Variants in ELP2 observed in about 807,000 individuals in gnomAD.
The protein encoded by ELP2 is elongator complex protein 2.
Under a neutral mutation model 119.2 loss-of-function variants are expected in ELP2, and 90 were observed. That is an observed-to-expected ratio of 0.75 (90% confidence interval 0.64 to 0.90). The LOEUF is 0.90. Among genes scored for constraint, ELP2 ranks in the 40% least tolerant of loss-of-function variants. The pLI is 0.00. For synonymous variants in ELP2, 339 were observed against 331.0 expected (o/e 1.02, Z -0.26); for missense variants, 921 against 967.8 (o/e 0.95, Z 0.64).
chr18:36,164,649 A>G lies in ELP2; in HGVS notation c.1936A>G (p.Thr646Ala), dbSNP rs1034885436. Residue 646 changes from threonine (T) to alanine (A), a missense_variant, in exon 18 of 22, where the codon ACA (threonine) becomes GCA (alanine). Coordinates refer to ENST00000358232, the MANE Select transcript of ELP2 (RefSeq NM_018255.4). ...RTWSLWKKQD[T>A]ISPEFEPVFS... Reference sequence around the variant, plus strand: ...CTGGTCATTGTGGAAAAAGCAGGATACAATCTCACCTGAGTTCGGTAAAAC... The same window carrying G: ...CTGGTCATTGTGGAAAAAGCAGGATGCAATCTCACCTGAGTTCGGTAAAAC... The G allele has an allele frequency of 1.2e-6, 2 of 1,613,980 alleles. No homozygotes were observed. Among genetic ancestry groups the G allele is most frequent in the African/African-American group, 1.3e-5 (1 of 74,938 alleles).
At chr18:36,174,043 A>G (rs906056919) in intron 21 of ELP2, among the ~76,000 whole-genome samples, 1 of 152,174 alleles carries the variant, frequency 6.6e-6, no homozygotes, top group Non-Finnish European at 1.5e-5. Context: ...AGTAGTAAAA[A>G]TGCAATTCCA....
intron 18 of ELP2, among the ~76,000 whole-genome samples, chr18:36,166,154 C>T (rs2090887804): frequency 6.6e-6 from 1 of 151,192 alleles, no homozygotes; most frequent in African/African-American, 2.4e-5. Context: ...GATCCCACCA[C>T]GGCACTCCAG....
At chr18:36,139,298 A>G in intron 5 of ELP2, 1 of 903,946 alleles carries the variant, frequency 1.1e-6, no homozygotes, top group Non-Finnish European at 1.6e-6. Context: ...GCCCAAGACC[A>G]CTTAAAATCT....
chr18:36,159,135 C>G (rs1283782864), intron 14 of ELP2, among the ~76,000 whole-genome samples: 1 of 140,666 alleles, frequency 7.1e-6, no homozygotes, highest in Non-Finnish European at 1.5e-5. Context: ...TTTTTTGAGA[C>G]AGAGTCTTGC....
At chr18:36,143,023 T>C in intron 8 of ELP2, 57 bp downstream of exon 8, 1 of 1,213,604 alleles carries the variant, frequency 8.2e-7, no homozygotes, top group Non-Finnish European at 1.2e-6. Flanking sequence ...AGTTGGTTGA[T>C]TTTTTTTTCA....
intron 21 of ELP2, among the ~76,000 whole-genome samples, chr18:36,174,017 TTGTC>T (rs1258237014): frequency 1.3e-5 from 2 of 152,194 alleles, no homozygotes; most frequent in Non-Finnish European, 2.9e-5. Flanking sequence ...AAATCTGTCA[TTGTC>T]TTTCTTTACC....
At chr18:36,167,909 G>A (rs760761303) in intron 19 of ELP2, among the ~76,000 whole-genome samples, 34 of 152,054 alleles carry the variant, frequency 2.2e-4, no homozygotes, top group African/African-American at 2.4e-4. Context: ...ACTCCTGGGC[G>A]CAAGCAGTCC....
In ELP2 at chr18:36,176,952, A is replaced by G. The variant is rs994991214; in HGVS notation, c.*2311A>G. On this transcript the variant is annotated 3_prime_UTR_variant, in exon 22 of 22. Transcript: ENST00000358232. ...TGGGCCCTTTCCTGTCTGCCAGGAA[A>G]AGTTTTCTGTAGTGACGCACGTGTT... 1 of 152,102 alleles carries G rather than the reference A, an allele frequency of 6.6e-6. No homozygotes were observed. Among genetic ancestry groups the G allele is most frequent in the African/African-American group, 2.4e-5 (1 of 41,420 alleles). The allele number at this position is 152,102 out of a possible 1,614,324, so 9.4% of individuals were successfully genotyped here.
chr18:36,133,896 G>GT (rs1567972210), intron 2 of ELP2, among the ~76,000 whole-genome samples: 17 of 114,794 alleles, frequency 1.5e-4, no homozygotes, highest in African/African-American at 5.6e-4. Flanking sequence ...GTTTTTTAGG[G>GT]GTTTTTTTTT....
chr18:36,157,374 G>A (rs572757338), intron 13 of ELP2, among the ~76,000 whole-genome samples: 8 of 152,178 alleles, frequency 5.3e-5, no homozygotes, highest in Non-Finnish European at 1.2e-4. Flanking sequence ...CTTTTGATAG[G>A]CAAAAAGAAG....
Position 36,142,953 on chromosome 18 carries a change from C to A in ELP2, c.783C>A (p.Thr261=). 6.3e-7 allele frequency: 1 copy of A among 1,584,310 alleles called. No homozygotes were observed. The highest frequency in any genetic ancestry group is 8.6e-7 in the Non-Finnish European group (1 of 1,157,892). ...TAAGACTGAAAGAAAATACTTTTAC[C>A]ATAGAAAATGAAAGTGAGTAATAAT... ...DNIRLKENTF[T]IENESVKIAF... is the part of the protein sequence containing the mutation. Residue 261 remains threonine (T), a synonymous_variant, in exon 8 of 22, where the codon ACC becomes ACA. Transcript: ENST00000358232.
Position 36,155,099 on chromosome 18 carries a change from G to A in ELP2, c.1275+100G>A, listed in dbSNP as rs988740795. On this transcript the variant is annotated intron_variant, in intron 12 of 21. Coordinates refer to ENST00000358232, the MANE Select transcript of ELP2 (RefSeq NM_018255.4). ...ACGATCTCAGCTCACTGCAGCCTCC[G>A]CCACCCAGGTTCAAGCGATTCTCCT... The A allele has an allele frequency of 3.8e-5, 38 of 995,282 alleles. 1 individual carries two copies. The highest frequency in any genetic ancestry group is 1.5e-4 in the African/African-American group (9 of 62,064). 61.7% of individuals were successfully genotyped at this position (995,282 alleles called of 1,614,324 possible).
chr18:36,167,032 C>T, intron 18 of ELP2, 69 bp from the exon 19 acceptor site: 2 of 1,500,432 alleles, frequency 1.3e-6, no homozygotes, highest in Non-Finnish European at 1.8e-6. Context: ...GGCACTTAAA[C>T]ATCACTTCCT....
chr18:36,130,279 C>T (rs1331861829), intron 1 of ELP2, among the ~76,000 whole-genome samples: 1 of 152,134 alleles, frequency 6.6e-6, no homozygotes, highest in Non-Finnish European at 1.5e-5. Flanking sequence ...TGGCGTCATC[C>T]TAGGGTCATT....
At chr18:36,154,300 T>C (rs747630285) in intron 11 of ELP2, among the ~76,000 whole-genome samples, 7 of 152,338 alleles carry the variant, frequency 4.6e-5, no homozygotes, top group Non-Finnish European at 8.8e-5. Flanking sequence ...GGCTTCTTAG[T>C]AGGTGAACCA....
Position 36,179,964 on chromosome 18 carries a change from C to T in ELP2, c.*5323C>T, listed in dbSNP as rs2091300316. 1 of 152,090 alleles carries T rather than the reference C, an allele frequency of 6.6e-6. No individual in the cohort carries two copies. The highest frequency in any genetic ancestry group is 1.5e-5 in the Non-Finnish European group (1 of 68,038). The allele number at this position is 152,090 out of a possible 1,614,324, so 9.4% of individuals were successfully genotyped here. On this transcript the variant is annotated 3_prime_UTR_variant, in exon 22 of 22. Coordinates refer to ENST00000358232, the MANE Select transcript of ELP2 (RefSeq NM_018255.4). ...GAGATTAGTGTATGAGTCTGGCTTCCATTCAACTGTGTGTGAAAAAAAATT... is the reference window on the plus strand; with the variant it reads ...GAGATTAGTGTATGAGTCTGGCTTCTATTCAACTGTGTGTGAAAAAAAATT...
At position 36,138,360 on chromosome 18, in the gene ELP2, T is replaced by A. The variant is rs1158472589; in HGVS notation, c.379T>A (p.Cys127Ser). ...GAGGAGGACATCAGATCCTGCATTATGTACACTGATCGTTTCTGCAGCTGC... is the reference window on the plus strand; with the variant it reads ...GAGGAGGACATCAGATCCTGCATTAAGTACACTGATCGTTTCTGCAGCTGC... ...YQRRTSDPAL[C>S]TLIVSAAADS... is the part of the protein sequence containing the mutation. The change falls in exon 4 of 22, where the codon TGT (cysteine) becomes AGT (serine). Residue 127 changes from cysteine (C) to serine (S), a missense_variant. By Grantham distance (112) the Cys-to-Ser change is moderately radical. Coordinates refer to ENST00000358232, the MANE Select transcript of ELP2 (RefSeq NM_018255.4). 2 of 1,614,162 alleles carry A rather than the reference T, an allele frequency of 1.2e-6. No individual in the cohort carries two copies. Among genetic ancestry groups the A allele is most frequent in the Non-Finnish European group, 1.7e-6 (2 of 1,180,004 alleles).
chr18:36,146,780 T>C (rs1161264398), intron 11 of ELP2, among the ~76,000 whole-genome samples: 3 of 152,126 alleles, frequency 2.0e-5, no homozygotes, highest in Non-Finnish European at 2.9e-5. Context: ...AGATGGAGGA[T>C]TGCTTGAAGC....
At position 36,174,631 on chromosome 18, in the gene ELP2, G is replaced by A. The variant is rs372983928; in HGVS notation, c.2471G>A (p.Cys824Tyr). 5.0e-6 allele frequency: 8 copies of A among 1,613,940 alleles called. No homozygotes were observed. Among genetic ancestry groups the A allele is most frequent in the Non-Finnish European group, 6.8e-6 (8 of 1,179,974 alleles). Residue 824 changes from cysteine (C) to tyrosine (Y), a missense_variant, in exon 22 of 22, where the codon TGT becomes TAT. Physicochemically the swap from Cys to Tyr is radical, Grantham distance 194. Transcript: ENST00000358232. ...HTVKIHRVNKCAL is the reference protein window; with the variant it reads ...HTVKIHRVNKYAL ...GTGAAGATACACAGAGTCAATAAAT[G>A]TGCACTGTAATGGACTTAATAACTA...
Sources: gnomAD v4.1 joint callset for allele counts (sites outside exome capture counted in the v4.1 genomes callset) on GRCh38, gnomAD v4.1.1 for gene constraint, MANE v1.5 for transcripts, NCBI Gene and HGNC (gene_info 2026-07-23, HGNC 2026-07-21) for gene names.